Variants in SERPINA9 observed in about 807,000 individuals in gnomAD.
The protein encoded by SERPINA9 is serpin A9.
Under a neutral mutation model 24.5 loss-of-function variants are expected in SERPINA9, and 32 were observed. That is an observed-to-expected ratio of 1.30 (90% CI 0.98 to 1.75). The LOEUF is 1.75. Ranked by LOEUF, SERPINA9 falls within the 40% of genes most tolerant of loss-of-function variation. The pLI is 0.00. For missense variants in SERPINA9, 594 were observed against 497.1 expected (o/e 1.19, Z -1.85); for synonymous variants, 233 against 197.7 (o/e 1.18, Z -1.50).
At chr14:94,475,726 C>G (rs1385923510) in intron 1 of SERPINA9, among the ~76,000 whole-genome samples, 1 of 152,164 alleles carries the variant, frequency 6.6e-6, no homozygotes, top group African/African-American at 2.4e-5. Context: ...TAAACACTCC[C>G]TCTCAAGCTG....
chr14:94,471,211 A>G (rs1315487299), intron 1 of SERPINA9, among the ~76,000 whole-genome samples: 1 of 151,232 alleles, frequency 6.6e-6, no homozygotes, highest in African/African-American at 2.4e-5. Context: ...GCTGCCACCA[A>G]CTCTTCTCCT....
At chr14:94,463,748 C>T (rs1341052849) in intron 4 of SERPINA9, among the ~76,000 whole-genome samples, 1 of 152,118 alleles carries the variant, frequency 6.6e-6, no homozygotes, top group East Asian at 1.9e-4. Flanking sequence ...AAGGTTAGAT[C>T]CCTTCTTTGT....
At chr14:94,468,847 G>T (rs1023545885) in intron 2 of SERPINA9, among the ~76,000 whole-genome samples, 4 of 152,220 alleles carry the variant, frequency 2.6e-5, no homozygotes, top group African/African-American at 4.8e-5. Context: ...TGGGTTGTCA[G>T]AGAGTTCCAT....
At chr14:94,471,061 T>C (rs6575434) in intron 1 of SERPINA9, among the ~76,000 whole-genome samples, 139,491 of 151,584 alleles carry the variant, frequency 0.92, 64,282 homozygotes, top group East Asian at 0.99. Context: ...GCTTTTCTCT[T>C]CTCACAAATT....
intron 1 of SERPINA9, among the ~76,000 whole-genome samples, chr14:94,475,624 G>A (rs541015921): frequency 3.9e-5 from 6 of 151,930 alleles, no homozygotes; most frequent in Non-Finnish European, 7.4e-5. Flanking sequence ...GCAGAGGATC[G>A]GCCCTCCTTT....
intron 1 of SERPINA9, 112 bp downstream of exon 1, chr14:94,476,024 T>C (rs1899630694): frequency 9.2e-6 from 14 of 1,528,522 alleles, no homozygotes; most frequent in Non-Finnish European, 1.3e-5. Flanking sequence ...GGTTCTCATC[T>C]TATTTGACTT....
intron 1 of SERPINA9, chr14:94,475,891 A>G (rs528309984): frequency 3.8e-6 from 2 of 521,250 alleles, no homozygotes; most frequent in East Asian, 3.0e-5. Flanking sequence ...CAAATTTTCA[A>G]GAGCTGTGTA....
rs116769109 is a variant in SERPINA9 at position 94,462,844 on chromosome 14, C to T, written c.*249G>A. ...CCCCAAGGAATGGAAATATGGTAAC[C>T]CAGCAACATCCCATGAAGCTAGTTA... On this transcript the variant is annotated 3_prime_UTR_variant, in exon 5 of 5. Transcript: ENST00000674397. 4.1e-3 allele frequency: 1,996 copies of T among 486,450 alleles called. 30 individuals are homozygous for T. The highest frequency in any genetic ancestry group is 0.033 in the African/African-American group (1,690 of 51,762). The allele number at this position is 486,450 out of a possible 1,614,324, so 30.1% of individuals were successfully genotyped here. A position where few individuals can be genotyped will look rare whatever the true frequency, so the allele number is the denominator to read the frequency against.
rs71129684 is a variant in SERPINA9, at chr14:94,464,270, CCTCTCTCTCTCTCT to C, written c.1050+423_1050+436del. ...ATCTAATATACTATGCTTTAAAACT[CCTCTCTCTCTCTCT>C]CTCTCTCTCTCTCTCTCTCTCTCTC... On this transcript the variant is annotated intron_variant, in intron 4 of 4. Transcript: ENST00000674397. The C allele has an allele frequency of 7.8e-3, 425 of 54,402 alleles. 3 individuals are homozygous for C. Among genetic ancestry groups the C allele is most frequent in the East Asian group, 0.024 (96 of 4,062 alleles). The allele number at this position is 54,402 out of a possible 1,614,324, so 3.4% of individuals were successfully genotyped here. A position where few individuals can be genotyped will look rare whatever the true frequency, so the allele number is the denominator to read the frequency against.
Position 94,469,309 on chromosome 14 carries a change from G to A in SERPINA9, c.532C>T (p.His178Tyr). Residue 178 changes from histidine to tyrosine, a missense_variant, in exon 2 of 5, where the codon CAT becomes TAT. Physicochemically the swap from His to Tyr is moderately conservative, Grantham distance 83. Transcript: ENST00000674397. The stretch of plus-strand genomic sequence containing the variant: ...TTCCCTTGGGTCTTCTTTTTCACAT[G>A]GCTGTTGATCCTCGCCTGGGCAATG... ...PSIAQARINS[H>Y]VKKKTQGKVV... 6.2e-7 allele frequency: 1 copy of A among 1,614,176 alleles called. No homozygotes were observed. Among genetic ancestry groups the A allele is most frequent in the South Asian group, 1.1e-5 (1 of 91,084 alleles).
intron 1 of SERPINA9, among the ~76,000 whole-genome samples, chr14:94,471,861 C>T (rs947211295): frequency 6.6e-6 from 1 of 152,148 alleles, no homozygotes; most frequent in African/African-American, 2.4e-5. Context: ...CCCGAGACAT[C>T]GCAAGCCCCA....
At chr14:94,463,346 TTAA>T in intron 4 of SERPINA9, 50 bp from the exon 5 acceptor site, 3 of 1,534,134 alleles carry the variant, frequency 2.0e-6, no homozygotes, top group Non-Finnish European at 2.7e-6. Context: ...ACACTTTTAC[TTAA>T]CTGAGTAAAC....
chr14:94,469,186 A>T (rs367921219), intron 2 of SERPINA9, 27 bp downstream of exon 2: 2 of 1,579,098 alleles, frequency 1.3e-6, no homozygotes, highest in South Asian at 2.3e-5. Flanking sequence ...AAATAAATAA[A>T]TAAAAATCAA....
At position 94,469,612 on chromosome 14, in the gene SERPINA9, T is replaced by G. The variant is rs755752926; in HGVS notation, c.229A>C (p.Thr77Pro). 3.1e-6 allele frequency: 5 copies of G among 1,613,866 alleles called. No individual in the cohort carries two copies. In the African/African-American group the frequency reaches 6.7e-5, roughly 22 times the overall value. ...NIFFSPVSVS[T>P]SLAMLSLGAH... ...CCAAGGGAGAGCATGGCCAGGGAAG[T>G]GGAGACACTCACAGGGGAGAAGAAG... The change falls in exon 2 of 5, where the codon ACT (threonine) becomes CCT (proline). Residue 77 changes from threonine (T) to proline (P), a missense_variant. Coordinates refer to ENST00000674397, the MANE Select transcript of SERPINA9 (RefSeq NM_175739.4).
chr14:94,473,153 G>A (rs775939878), intron 1 of SERPINA9, among the ~76,000 whole-genome samples: 19 of 152,170 alleles, frequency 1.2e-4, no homozygotes, highest in East Asian at 1.9e-4. Context: ...CCACCAGCAC[G>A]GAAAAGTGCC....
intron 1 of SERPINA9, among the ~76,000 whole-genome samples, chr14:94,473,252 G>A (rs1018756341): frequency 2.0e-5 from 3 of 152,174 alleles, no homozygotes; most frequent in Admixed American, 6.5e-5. Flanking sequence ...GTGGCTGGGC[G>A]CGGTGGCTCA....
At chr14:94,470,356 T>C (rs974784625) in intron 1 of SERPINA9, among the ~76,000 whole-genome samples, 1 of 152,214 alleles carries the variant, frequency 6.6e-6, no homozygotes, top group Non-Finnish European at 1.5e-5. Flanking sequence ...AATGTGTTCA[T>C]ATCTCTCAAA....
chr14:94,467,017 A>G (rs1350485624), intron 3 of SERPINA9, 92 bp downstream of exon 3: 3 of 1,422,728 alleles, frequency 2.1e-6, no homozygotes, highest in Non-Finnish European at 2.9e-6. Context: ...TGCAGAAGTG[A>G]TTATCCAACA....
intron 3 of SERPINA9, among the ~76,000 whole-genome samples, chr14:94,465,079 G>A (rs747964953): frequency 6.6e-6 from 1 of 152,184 alleles, no homozygotes; most frequent in Non-Finnish European, 1.5e-5. Context: ...CGAGCCCCCA[G>A]TGAAGTGGGT....
Sources: gnomAD v4.1 joint callset for allele counts (sites outside exome capture counted in the v4.1 genomes callset) on GRCh38, gnomAD v4.1.1 for gene constraint, MANE v1.5 for transcripts, NCBI Gene and HGNC (gene_info 2026-07-23, HGNC 2026-07-21) for gene names.